CSMD1: variants seen among roughly 807,000 people sequenced by gnomAD.
The protein encoded by CSMD1 is CUB and Sushi multiple domains 1, also known as CUB and sushi domain-containing protein 1.
CSMD1 carries 213 observed loss-of-function variants against 417.5 expected under a neutral mutation model. The observed-to-expected ratio is 0.51, with a 90% CI of 0.46 to 0.57. The LOEUF is 0.57. Ranked by LOEUF, CSMD1 falls within the 20% of genes least tolerant of loss-of-function variation. The pLI is 0.00. For missense variants in CSMD1, 6,923 were observed against 4,529.7 expected (o/e 1.53, Z -15.17); for synonymous variants, 2,862 against 1,736.8 (o/e 1.65, Z -16.11).
At chr8:4,624,606 T>C (rs971584880) in intron 2 of CSMD1, among the ~76,000 whole-genome samples, 4 of 152,280 alleles carry the variant, frequency 2.6e-5, no homozygotes, top group Admixed American at 1.3e-4. Context: ...ATCCACGACA[T>C]TGGACACGCC....
At chr8:3,018,244 C>G (rs757218967) in intron 52 of CSMD1, among the ~76,000 whole-genome samples, 18 of 152,156 alleles carry the variant, frequency 1.2e-4, no homozygotes, top group Non-Finnish European at 2.4e-4. Context: ...TCTCAGCACT[C>G]TTGCAAGATT....
At chr8:3,197,810 A>G (rs1241507616) in intron 33 of CSMD1, among the ~76,000 whole-genome samples, 1 of 152,208 alleles carries the variant, frequency 6.6e-6, no homozygotes, top group African/African-American at 2.4e-5. Context: ...TTCAAGAAGC[A>G]ATGTTCCATT....
intron 33 of CSMD1, among the ~76,000 whole-genome samples, chr8:3,194,459 T>TATTTTATTTC (rs1362170813): frequency 8.1e-5 from 10 of 122,870 alleles, no homozygotes; most frequent in African/African-American, 1.6e-4. Context: ...TATTTTATTT[T>TATTTTATTTC]ATTTCATTTC....
At chr8:3,336,221 G>C (rs2117570591) in intron 23 of CSMD1, among the ~76,000 whole-genome samples, 1 of 152,240 alleles carries the variant, frequency 6.6e-6, no homozygotes, top group East Asian at 1.9e-4. Flanking sequence ...AGGCCTTCGT[G>C]TGTGAGTTAC....
chr8:3,219,147 C>G, intron 29 of CSMD1, 108 bp downstream of exon 29: 1 of 838,796 alleles, frequency 1.2e-6, no homozygotes, highest in South Asian at 1.7e-5. Context: ...AGACACATAT[C>G]AGCATTTATG....
intron 3 of CSMD1, among the ~76,000 whole-genome samples, chr8:4,362,142 G>C (rs1280756222): frequency 6.6e-6 from 1 of 152,150 alleles, no homozygotes. Context: ...ATAGAATTAT[G>C]ACAGAGGGTA....
At chr8:3,232,644 C>T (rs746188505) in intron 26 of CSMD1, among the ~76,000 whole-genome samples, 6 of 152,110 alleles carry the variant, frequency 3.9e-5, no homozygotes, top group Non-Finnish European at 7.3e-5. Context: ...TTAGATTGTC[C>T]TTTAAATTCA....
At chr8:3,392,622 T>C (rs1293363593) in intron 17 of CSMD1, among the ~76,000 whole-genome samples, 1 of 152,210 alleles carries the variant, frequency 6.6e-6, no homozygotes, top group East Asian at 1.9e-4. Context: ...GCCTTCACCT[T>C]ATTCAGAATC....
chr8:3,923,705 T>C (rs1265404865), intron 5 of CSMD1, among the ~76,000 whole-genome samples: 3 of 152,272 alleles, frequency 2.0e-5, no homozygotes, highest in South Asian at 2.1e-4. Flanking sequence ...GTACAATAAA[T>C]CTCTAGTTCT....
At chr8:4,425,379 CAAAAAAAA>C (rs3056571) in intron 2 of CSMD1, among the ~76,000 whole-genome samples, 1 of 128,820 alleles carries the variant, frequency 7.8e-6, no homozygotes, top group African/African-American at 2.8e-5. Flanking sequence ...ATTTGTGTGC[CAAAAAAAA>C]AAAAAAAAAA....
intron 1 of CSMD1, among the ~76,000 whole-genome samples, chr8:4,767,579 G>A (rs539373848): frequency 1.6e-4 from 25 of 152,022 alleles, no homozygotes; most frequent in East Asian, 3.9e-4. Context: ...CTCCCTTTCC[G>A]CATTCATCAA....
At chr8:4,373,003 C>T (rs1430782352) in intron 3 of CSMD1, among the ~76,000 whole-genome samples, 4 of 152,202 alleles carry the variant, frequency 2.6e-5, no homozygotes, top group Non-Finnish European at 5.9e-5. Flanking sequence ...GGACAGCCCT[C>T]AGCTAGCATC....
intron 5 of CSMD1, among the ~76,000 whole-genome samples, chr8:3,923,209 C>G (rs1809401603): frequency 6.6e-6 from 1 of 152,108 alleles, no homozygotes; most frequent in African/African-American, 2.4e-5. Context: ...GACTCTGGAG[C>G]TCAGGCTATT....
chr8:4,306,413 ACAG>A lies in CSMD1; in HGVS notation c.415+113537_415+113539del, dbSNP rs1334973455. Among the ~76,000 whole-genome samples the A allele has an allele frequency of 1.5e-3, 226 of 152,336 alleles. 2 individuals are homozygous for A. The highest frequency in any genetic ancestry group is 0.014 in the Admixed American group (221 of 15,310). On this transcript the variant is annotated intron_variant, in intron 3 of 69. Coordinates refer to ENST00000635120, the MANE Select transcript of CSMD1 (RefSeq NM_033225.6). ...TAAAAAACCTACAGAACAAAAAAAT[ACAG>A]TATCATCGTGAAAGTTCAATTGATA... is the stretch of plus-strand genomic sequence containing the variant.
intron 1 of CSMD1, among the ~76,000 whole-genome samples, chr8:4,906,150 C>T (rs905959657): frequency 1.3e-5 from 2 of 152,182 alleles, no homozygotes; most frequent in African/African-American, 4.8e-5. Flanking sequence ...GCACTCTTCG[C>T]TTCAAAGGAA....
At chr8:3,454,895 C>A (rs1373078845) in intron 12 of CSMD1, among the ~76,000 whole-genome samples, 3 of 152,202 alleles carry the variant, frequency 2.0e-5, no homozygotes, top group South Asian at 2.1e-4. Context: ...TGGATAACAT[C>A]CTGCAGAGTG....
intron 1 of CSMD1, among the ~76,000 whole-genome samples, chr8:4,759,343 C>T (rs1280510718): frequency 1.3e-5 from 2 of 152,098 alleles, no homozygotes; most frequent in South Asian, 4.1e-4. Context: ...CCAGCAATGC[C>T]AATAAAGGGC....
At chr8:4,168,901 C>T (rs564742566) in intron 3 of CSMD1, among the ~76,000 whole-genome samples, 41 of 152,316 alleles carry the variant, frequency 2.7e-4, no homozygotes, top group African/African-American at 8.9e-4. Flanking sequence ...GCTTATCCAA[C>T]CGCCAGTGCC....
chr8:3,042,688 T>C (rs1378849789), intron 50 of CSMD1, among the ~76,000 whole-genome samples: 3 of 152,178 alleles, frequency 2.0e-5, no homozygotes, highest in African/African-American at 4.8e-5. Context: ...CTGGGCATGA[T>C]AGCAGTACTT....
Sources: gnomAD v4.1 joint callset for allele counts (sites outside exome capture counted in the v4.1 genomes callset) on GRCh38, gnomAD v4.1.1 for gene constraint, MANE v1.5 for transcripts, NCBI Gene and HGNC (gene_info 2026-07-23, HGNC 2026-07-21) for gene names.